Variants in ABHD17B observed in about 807,000 individuals in gnomAD.
The protein encoded by ABHD17B is alpha/beta hydrolase domain-containing protein 17B.
ABHD17B carries 9 observed loss-of-function variants against 26.2 expected under a neutral mutation model. The observed-to-expected ratio is 0.34, with a 90% CI of 0.21 to 0.60. The LOEUF (loss-of-function observed/expected upper bound fraction) is 0.60. ABHD17B is among the 20% of genes least tolerant of loss of function. ABHD17B has a pLI of 0.80. For missense variants in ABHD17B, 224 were observed against 352.1 expected (o/e 0.64, Z 2.91); for synonymous variants, 127 against 122.3 (o/e 1.04, Z -0.25).
intron 1 of ABHD17B, among the ~76,000 whole-genome samples, chr9:71,909,994 C>T (rs1359287578): frequency 1.3e-5 from 2 of 151,970 alleles, no homozygotes; most frequent in Non-Finnish European, 2.9e-5. Context: ...CCAAACAAAA[C>T]CTTTAAATTT....
chr9:71,878,084 C>G (rs1249472025), intron 1 of ABHD17B, among the ~76,000 whole-genome samples: 1 of 151,380 alleles, frequency 6.6e-6, no homozygotes, highest in Non-Finnish European at 1.5e-5. Context: ...ACAAATAAAT[C>G]TAGGTTTTAG....
At chr9:71,864,226 T>G (rs920302310), downstream of ABHD17B, among the ~76,000 whole-genome samples, 1 of 134,976 alleles carries the variant, frequency 7.4e-6, no homozygotes, top group African/African-American at 2.8e-5. Flanking sequence ...TTTTTTTTTT[T>G]TTTTTTTTTT....
At chr9:71,897,478 T>C (rs1826992878) in intron 1 of ABHD17B, among the ~76,000 whole-genome samples, 1 of 152,220 alleles carries the variant, frequency 6.6e-6, no homozygotes, top group Non-Finnish European at 1.5e-5. Context: ...ATCGTGCCAC[T>C]GCAATCCAGC....
chr9:71,870,657 G>C (rs1189012781), intron 2 of ABHD17B, among the ~76,000 whole-genome samples: 1 of 152,070 alleles, frequency 6.6e-6, no homozygotes, highest in Non-Finnish European at 1.5e-5. Context: ...TGTAACAAAA[G>C]TTATTTATTT....
intron 1 of ABHD17B, among the ~76,000 whole-genome samples, chr9:71,881,723 A>G (rs1342724569): frequency 2.0e-5 from 3 of 152,082 alleles, no homozygotes; most frequent in Non-Finnish European, 4.4e-5. Context: ...TGCCTCTACT[A>G]AAAATACAAA....
At chr9:71,879,552 A>G (rs1343124363) in intron 1 of ABHD17B, among the ~76,000 whole-genome samples, 2 of 152,208 alleles carry the variant, frequency 1.3e-5, no homozygotes, top group Non-Finnish European at 2.9e-5. Context: ...ATCCATTACA[A>G]AAGTCTAGCT....
chr9:71,892,900 TC>T (rs551998719), intron 1 of ABHD17B, among the ~76,000 whole-genome samples: 535 of 152,304 alleles, frequency 3.5e-3, no homozygotes, highest in African/African-American at 0.012. Context: ...TTTTTCATCT[TC>T]CCCAACTGTA....
At position 71,866,860 on chromosome 9, in the gene ABHD17B, T is replaced by C. The variant is rs554947530; in HGVS notation, c.794A>G (p.Asn265Ser). 3.7e-6 allele frequency: 6 copies of C among 1,614,228 alleles called. No individual in the cohort carries two copies. Among genetic ancestry groups the C allele is most frequent in the Admixed American group, 1.7e-5 (1 of 60,032 alleles). Reference sequence around the variant, plus strand: ...ATACTGTCCATAAAGTTCCACATCATTGTGACCTGCTCCTTCAACCCAGAG... The same window carrying C: ...ATACTGTCCATAAAGTTCCACATCACTGTGACCTGCTCCTTCAACCCAGAG... ...EPLWVEGAGH[N>S]DVELYGQYLE... The change falls in exon 4 of 4, where the codon AAT becomes AGT. Residue 265 changes from asparagine (N) to serine (S), a missense_variant. Physicochemically the swap from Asn to Ser is conservative, Grantham distance 46. Coordinates refer to ENST00000333421, the MANE Select transcript of ABHD17B (RefSeq NM_001025780.3).
chr9:71,891,780 A>G (rs564345629), intron 1 of ABHD17B, among the ~76,000 whole-genome samples: 1 of 152,330 alleles, frequency 6.6e-6, no homozygotes, highest in Admixed American at 6.5e-5. Context: ...TACCCTGTCT[A>G]TAGGGCAAAC....
rs1252506480 is a variant in ABHD17B, at chr9:71,874,811, C to T, written c.270G>A (p.Ala90=). The change falls in exon 2 of 4, where the codon GCG becomes GCA. Residue 90 remains alanine (A), a synonymous_variant. Coordinates refer to ENST00000333421, the MANE Select transcript of ABHD17B (RefSeq NM_001025780.3). ...CATGTGAGAAGAGTAAAGTGTATTT[C>T]GCATTGGGTGAACAACGTACAAACA... The part of the protein sequence containing the change: ...ACMFVRCSPN[A]KYTLLFSHGN... 9.3e-6 allele frequency: 15 copies of T among 1,614,062 alleles called. No individual in the cohort carries two copies. The highest frequency in any genetic ancestry group is 6.7e-5 in the African/African-American group (5 of 74,912).
intron 1 of ABHD17B, among the ~76,000 whole-genome samples, chr9:71,877,156 G>A (rs540563945): frequency 6.6e-6 from 1 of 152,302 alleles, no homozygotes; most frequent in East Asian, 1.9e-4. Context: ...CTGGTCAGGA[G>A]GATAAAGTGT....
intron 1 of ABHD17B, among the ~76,000 whole-genome samples, chr9:71,901,479 G>A (rs1318981700): frequency 2.0e-5 from 3 of 151,614 alleles, no homozygotes; most frequent in Non-Finnish European, 2.9e-5. Context: ...CTTCAATCTT[G>A]GTTTCTCTGA....
intron 1 of ABHD17B, among the ~76,000 whole-genome samples, chr9:71,897,293 G>A (rs1412366176): frequency 6.9e-6 from 1 of 144,950 alleles, no homozygotes; most frequent in Non-Finnish European, 1.5e-5. Context: ...CACTTTGGGA[G>A]GCCAAGGTGG....
At position 71,866,740 on chromosome 9, in the gene ABHD17B, G is replaced by A. The variant is rs558730000; in HGVS notation, c.*47C>T. 21 of 1,607,926 alleles carry A rather than the reference G, an allele frequency of 1.3e-5. No individual in the cohort carries two copies. Among genetic ancestry groups the A allele is most frequent in the South Asian group, 2.2e-5 (2 of 90,586 alleles). Reference sequence around the variant, plus strand: ...GGTTTTATGTTATTTACCAAAGAGTGCAGTTCAGCAAGAAAGGAAAACCCA... The same window carrying A: ...GGTTTTATGTTATTTACCAAAGAGTACAGTTCAGCAAGAAAGGAAAACCCA... On this transcript the variant is annotated 3_prime_UTR_variant, in exon 4 of 4. Coordinates refer to ENST00000333421, the MANE Select transcript of ABHD17B (RefSeq NM_001025780.3).
At chr9:71,901,189 T>A (rs1026328664) in intron 1 of ABHD17B, among the ~76,000 whole-genome samples, 3 of 152,024 alleles carry the variant, frequency 2.0e-5, no homozygotes, top group African/African-American at 7.2e-5. Flanking sequence ...TTTTTTTGCA[T>A]GTATCTGTAT....
intron 3 of ABHD17B, 92 bp from the exon 4 acceptor site, chr9:71,867,098 G>A (rs1221061331): frequency 2.8e-6 from 4 of 1,429,688 alleles, no homozygotes; most frequent in Non-Finnish European, 3.8e-6. Context: ...ATTCAAATAT[G>A]AGAATTGTAT....
At chr9:71,910,039 T>C (rs1311613787) in intron 1 of ABHD17B, among the ~76,000 whole-genome samples, 2 of 152,020 alleles carry the variant, frequency 1.3e-5, no homozygotes, top group East Asian at 1.9e-4. Flanking sequence ...AAGCCTACCT[T>C]AGAGTTCGAA....
At chr9:71,907,594 C>A (rs1007976096) in intron 1 of ABHD17B, among the ~76,000 whole-genome samples, 1 of 152,180 alleles carries the variant, frequency 6.6e-6, no homozygotes. Context: ...TCACCACAAC[C>A]TCTGCCTCCT....
chr9:71,904,824 T>C (rs1048854968), intron 1 of ABHD17B, among the ~76,000 whole-genome samples: 40 of 152,198 alleles, frequency 2.6e-4, no homozygotes, highest in African/African-American at 9.4e-4. Flanking sequence ...AAACAATTAC[T>C]ATCACTGTAA....
Sources: gnomAD v4.1 joint callset for allele counts (sites outside exome capture counted in the v4.1 genomes callset) on GRCh38, gnomAD v4.1.1 for gene constraint, MANE v1.5 for transcripts, NCBI Gene and HGNC (gene_info 2026-07-23, HGNC 2026-07-21) for gene names.